Variants in SSPN observed in about 807,000 individuals in gnomAD.
SSPN encodes K-ras oncogene-associated protein.
Under a neutral mutation model 19.1 loss-of-function variants are expected in SSPN, and 15 were observed. That is an observed-to-expected ratio of 0.78 (90% CI 0.52 to 1.21). SSPN has a LOEUF of 1.21. SSPN is among the 50% of genes most tolerant of loss of function. The pLI is 0.00. For synonymous variants in SSPN, 147 were observed against 140.3 expected (o/e 1.05, Z -0.34); for missense variants, 291 against 314.0 (o/e 0.93, Z 0.55).
chr12:26,197,766 T>C (rs184221859), intron 1 of SSPN, among the ~76,000 whole-genome samples: 126 of 152,366 alleles, frequency 8.3e-4, no homozygotes, highest in Non-Finnish European at 1.2e-3. Flanking sequence ...CTGCTCTTTC[T>C]GGTTTTCTTT....
In SSPN at chr12:26,122,075, T is replaced by G. The variant is rs1380463853; in HGVS notation, c.-108T>G. The G allele has an allele frequency of 1.9e-6, 3 of 1,549,404 alleles. No homozygotes were observed. The East Asian group carries it at 7.4e-5, about 38-fold the overall frequency. On this transcript the variant is annotated 5_prime_UTR_variant, in exon 1 of 3. Coordinates refer to the SSPN transcript ENST00000538142. ...TTCGGGACGCAAGGATTCAGGGAGCTTCCTTTCCTGGCTGCGAGGGATCTT... is the reference window on the plus strand; with the variant it reads ...TTCGGGACGCAAGGATTCAGGGAGCGTCCTTTCCTGGCTGCGAGGGATCTT...
chr12:26,225,424 ATAT>A (rs1453717317), intron 2 of SSPN, among the ~76,000 whole-genome samples: 1 of 152,202 alleles, frequency 6.6e-6, no homozygotes, highest in Non-Finnish European at 1.5e-5. Flanking sequence ...AAAATGTATG[ATAT>A]TATCCTACAG....
chr12:26,192,280 T>C (rs12829316), upstream of SSPN, among the ~76,000 whole-genome samples: 6,386 of 152,294 alleles, frequency 0.042, 184 homozygotes, highest in South Asian at 0.082. Flanking sequence ...TCCAAAAACA[T>C]TTTGTTTCTA....
At chr12:26,142,409 C>T (rs1464094368) in intron 1 of SSPN, among the ~76,000 whole-genome samples, 1 of 151,970 alleles carries the variant, frequency 6.6e-6, no homozygotes, top group Non-Finnish European at 1.5e-5. Context: ...GAGGTGCGTT[C>T]CATGGGATTG....
intron 1 of SSPN, among the ~76,000 whole-genome samples, chr12:26,136,331 A>G (rs748448420): frequency 6.6e-6 from 1 of 152,192 alleles, no homozygotes; most frequent in Non-Finnish European, 1.5e-5. Context: ...GTTGCTGTGT[A>G]TGGTGGCAGA....
chr12:26,192,682 T>G (rs1565682888), upstream of SSPN, among the ~76,000 whole-genome samples: 2 of 152,224 alleles, frequency 1.3e-5, no homozygotes, highest in African/African-American at 4.8e-5. Context: ...TGAGTTTCCC[T>G]AGACCACCAA....
At chr12:26,223,990 G>T (rs571032601) in intron 1 of SSPN, among the ~76,000 whole-genome samples, 2 of 152,190 alleles carry the variant, frequency 1.3e-5, no homozygotes, top group East Asian at 3.9e-4. Context: ...GGCTTTCACC[G>T]GATTGTAAAC....
At chr12:26,123,296 A>G in intron 1 of SSPN, 3 of 1,271,242 alleles carry the variant, frequency 2.4e-6, no homozygotes, top group Admixed American at 2.8e-5. Context: ...TTTCCCCAGT[A>G]TTCAAGTGAT....
chr12:26,157,501 A>G (rs987857308), intron 1 of SSPN, among the ~76,000 whole-genome samples: 1 of 152,186 alleles, frequency 6.6e-6, no homozygotes, highest in African/African-American at 2.4e-5. Context: ...CACACTGGAT[A>G]TACTGTACTC....
chr12:26,190,595 A>G (rs1552041), upstream of SSPN, among the ~76,000 whole-genome samples: 1 of 151,918 alleles, frequency 6.6e-6, no homozygotes, highest in African/African-American at 2.4e-5. Context: ...AAATCACTGA[A>G]TGTTGGGGTG....
chr12:26,227,785 G>C, intron 2 of SSPN, among the ~76,000 whole-genome samples: 1 of 152,214 alleles, frequency 6.6e-6, no homozygotes. Flanking sequence ...AGATGAAGAA[G>C]TACAGGTGCA....
At position 26,164,559 on chromosome 12, in the gene SSPN, C is replaced by T. The variant is rs150297199; in HGVS notation, c.-31+42407C>T. Among the ~76,000 whole-genome samples, 614 of 152,270 alleles carry T rather than the reference C, an allele frequency of 4.0e-3. 2 individuals carry two copies. The highest frequency in any genetic ancestry group is 0.014 in the African/African-American group (583 of 41,550). ...TTTCTCTAAACAAATAAACCTATGACGTGATGACAGACAACAAAATATCCT... is the reference window on the plus strand; with the variant it reads ...TTTCTCTAAACAAATAAACCTATGATGTGATGACAGACAACAAAATATCCT... On this transcript the variant is annotated intron_variant, in intron 1 of 2. Coordinates refer to the SSPN transcript ENST00000538142.
Position 26,174,434 on chromosome 12 carries a change from C to G in SSPN, c.-30-49859C>G, listed in dbSNP as rs571745878. Among the ~76,000 whole-genome samples, 9 of 150,880 alleles carry G rather than the reference C, an allele frequency of 6.0e-5. No homozygotes were observed. The South Asian group carries it at 1.9e-3, about 32-fold the overall frequency. The stretch of plus-strand genomic sequence containing the variant: ...ATCACCTTCTAAAATTTTCTTGTGT[C>G]CCTTAGTAATCCCTACCTCCTTCCC... On this transcript the variant is annotated intron_variant, in intron 1 of 2. Coordinates refer to the SSPN transcript ENST00000538142.
At position 26,136,498 on chromosome 12, in the gene SSPN, C is replaced by T. The variant is rs75895314; in HGVS notation, c.-31+14346C>T. 1.9e-3 allele frequency among the ~76,000 whole-genome samples: 283 copies of T among 152,264 alleles called. 2 individuals carry two copies. The highest frequency in any genetic ancestry group is 6.6e-3 in the African/African-American group (275 of 41,546). ...GTACCTCCCTCTGTTTATTGCGTGT[C>T]CATGACAATGCGCAGAGAACACCCC... is the stretch of plus-strand genomic sequence containing the variant. On this transcript the variant is annotated intron_variant, in intron 1 of 2. Coordinates refer to the SSPN transcript ENST00000538142.
intron 1 of SSPN, chr12:26,122,443 C>T: frequency 2.9e-6 from 4 of 1,356,770 alleles, no homozygotes; most frequent in Non-Finnish European, 2.9e-6. Flanking sequence ...GCGGCAGCTG[C>T]AGAAGGCGAG....
In SSPN at chr12:26,231,381, T is replaced by A. The variant is rs2137524403; in HGVS notation, c.*305T>A. 1 of 259,160 alleles carries A rather than the reference T, an allele frequency of 3.9e-6. No homozygotes were observed. The highest frequency in any genetic ancestry group is 6.6e-5 in the South Asian group (1 of 15,162). 16.1% of individuals were successfully genotyped at this position (259,160 alleles called of 1,614,324 possible). ...CAGTCTGGAGTTAATTCCTGTTAAC[T>A]CATTTTATCCATTCCTTACATAATC... On this transcript the variant is annotated 3_prime_UTR_variant, in exon 3 of 3. Coordinates refer to ENST00000242729, the MANE Select transcript of SSPN (RefSeq NM_005086.5).
In SSPN at chr12:26,233,375, T is replaced by C. The variant is rs187365608; in HGVS notation, c.*2299T>C. ...ACACATACACACACACACACACATA[T>C]ATACTATACATATATAAAATGGGGA... On this transcript the variant is annotated 3_prime_UTR_variant, in exon 3 of 3. Transcript: ENST00000242729. This position sits in a 1 kb window ranked among gnomAD's most constrained non-coding sequence, Gnocchi z 4.3. 4 of 149,904 alleles carry C rather than the reference T, an allele frequency of 2.7e-5. No homozygotes were observed. The highest frequency in any genetic ancestry group is 2.1e-4 in the South Asian group (1 of 4,810). The allele number at this position is 149,904 out of a possible 1,614,324, so 9.3% of individuals were successfully genotyped here. A position where few individuals can be genotyped will look rare whatever the true frequency, so the allele number is the denominator to read the frequency against.
At chr12:26,122,284 C>T (rs1196956509) in intron 1 of SSPN, 8 of 1,161,324 alleles carry the variant, frequency 6.9e-6, no homozygotes, top group Non-Finnish European at 8.5e-6. Flanking sequence ...CAGGGGAACG[C>T]GGCGGCGGCG....
Position 26,230,733 on chromosome 12 carries a change from C to T in SSPN, c.389C>T (p.Ala130Val), listed in dbSNP as rs370878002. Residue 130 changes from alanine to valine, a missense_variant, in exon 3 of 3, where the codon GCC (alanine) becomes GTC (valine). Ala to Val is a moderately conservative substitution (Grantham distance 64). Transcript: ENST00000242729. ...CAGCTGTTATACTTTCTGCTGAGTG[C>T]CCTGGGCCTGACGGTCTGTGTGCTG... ...SMKLLYFLLS[A>V]LGLTVCVLAV... 1.9e-6 allele frequency: 3 copies of T among 1,613,624 alleles called. No individual in the cohort carries two copies. The highest frequency in any genetic ancestry group is 1.3e-5 in the African/African-American group (1 of 75,046).
Sources: gnomAD v4.1 joint callset for allele counts (sites outside exome capture counted in the v4.1 genomes callset) on GRCh38, gnomAD v4.1.1 for gene constraint, Gnocchi (gnomAD v3.1) non-coding constraint, MANE v1.5 for transcripts, NCBI Gene and HGNC (gene_info 2026-07-23, HGNC 2026-07-21) for gene names.